The following GNAZ variants were observed in gnomAD, a reference collection of about 807,000 sequenced individuals.
GNAZ encodes G protein subunit alpha z.
A neutral mutation model predicts 25.4 loss-of-function variants in GNAZ; 3 were observed. That is an observed-to-expected ratio of 0.12 (90% CI 0.05 to 0.30). The LOEUF (loss-of-function observed/expected upper bound fraction) is 0.30. GNAZ is among the 10% of genes least tolerant of loss of function. The pLI, the probability that GNAZ is intolerant of heterozygous loss-of-function variation, is 1.00. For missense variants in GNAZ, 241 were observed against 501.8 expected (o/e 0.48, Z 4.97); for synonymous variants, 211 against 205.7 (o/e 1.03, Z -0.22).
At chr22:23,095,020 A>T (rs2069083027) in intron 1 of GNAZ, among the ~76,000 whole-genome samples, 1 of 152,218 alleles carries the variant, frequency 6.6e-6, no homozygotes, top group African/African-American at 2.4e-5. Context: ...CCTCTCCCTC[A>T]TGCACCTGGC....
intron 2 of GNAZ, among the ~76,000 whole-genome samples, chr22:23,100,877 C>T (rs1391346597): frequency 6.6e-6 from 1 of 152,190 alleles, no homozygotes; most frequent in Non-Finnish European, 1.5e-5. Flanking sequence ...GGAGGGGCTG[C>T]CCAAGGCCGT....
chr22:23,120,830 A>T (rs766972756), intron 2 of GNAZ, among the ~76,000 whole-genome samples: 2 of 152,202 alleles, frequency 1.3e-5, no homozygotes, highest in Non-Finnish European at 2.9e-5. Flanking sequence ...ATGAGAGCTG[A>T]TGTGGACTCA....
chr22:23,110,324 A>G (rs2069609414), intron 2 of GNAZ, among the ~76,000 whole-genome samples: 2 of 152,188 alleles, frequency 1.3e-5, no homozygotes, highest in Admixed American at 1.3e-4. Flanking sequence ...ACTGGAGGGC[A>G]TCACGGCAGC....
chr22:23,115,075 G>A (rs1045326881), intron 2 of GNAZ, among the ~76,000 whole-genome samples: 14 of 152,170 alleles, frequency 9.2e-5, no homozygotes, highest in African/African-American at 3.4e-4. Context: ...TGGGCCAGCT[G>A]GCCTTGCTCT....
intron 1 of GNAZ, among the ~76,000 whole-genome samples, chr22:23,085,999 G>T (rs2068808691): frequency 6.6e-6 from 1 of 152,240 alleles, no homozygotes; most frequent in Non-Finnish European, 1.5e-5. Flanking sequence ...GCCTTGCCTG[G>T]CCCCTCGGCA....
In GNAZ at chr22:23,123,348, G is replaced by A. The variant is rs569868909; in HGVS notation, c.985G>A (p.Asp329Asn). ...EIYSHFTCAT[D>N]TSNIQFVFDA... ...CTACTCCCACTTCACCTGCGCCACCGACACCAGTAACATCCAGTTTGTCTT... is the reference window on the plus strand; with the variant it reads ...CTACTCCCACTTCACCTGCGCCACCAACACCAGTAACATCCAGTTTGTCTT... Residue 329 changes from aspartate (D) to asparagine (N), a missense_variant, in exon 3 of 3, where the codon GAC (aspartate) becomes AAC (asparagine). Asp to Asn is a conservative substitution (Grantham distance 23, BLOSUM62 1). Coordinates refer to ENST00000615612, the MANE Select transcript of GNAZ (RefSeq NM_002073.4). The A allele has an allele frequency of 1.1e-5, 18 of 1,613,950 alleles. No homozygotes were observed. Among genetic ancestry groups the A allele is most frequent in the East Asian group, 2.2e-5 (1 of 44,878 alleles).
At chr22:23,112,730 A>G (rs1435961066) in intron 2 of GNAZ, among the ~76,000 whole-genome samples, 1 of 152,158 alleles carries the variant, frequency 6.6e-6, no homozygotes, top group Non-Finnish European at 1.5e-5. Context: ...ACTGGCTGCA[A>G]TGGGGAGCCT....
rs2068331691 is a variant in GNAZ at position 23,070,528 on chromosome 22, T to G, written c.-492T>G. The G allele has an allele frequency of 2.7e-5, 4 of 148,558 alleles. No homozygotes were observed. Among genetic ancestry groups the G allele is most frequent in the Non-Finnish European group, 4.5e-5 (3 of 67,006 alleles). The allele number at this position is 148,558 out of a possible 1,614,324, so 9.2% of individuals were successfully genotyped here. ...CTCGCCGCCCCGCCCCGCCCCGCCCTGCCCGGAGCAGCTCGGCAGATGCTC... is the reference window on the plus strand; with the variant it reads ...CTCGCCGCCCCGCCCCGCCCCGCCCGGCCCGGAGCAGCTCGGCAGATGCTC... On this transcript the variant is annotated 5_prime_UTR_variant, in exon 1 of 3. Transcript: ENST00000615612.
At position 23,071,152 on chromosome 22, in the gene GNAZ, C is replaced by G. The variant is rs554205605; in HGVS notation, c.-450+582C>G. ...GGCATTTAGAGGAAGAGATGAGTAT[C>G]GACCTGCTGCGATTGTAATACGTTC... is the stretch of plus-strand genomic sequence containing the variant. On this transcript the variant is annotated intron_variant, in intron 1 of 2. Transcript: ENST00000615612. This position sits in a 1 kb window ranked among gnomAD's most constrained non-coding sequence, Gnocchi z 4.1. Among the ~76,000 whole-genome samples, 4 of 152,244 alleles carry G rather than the reference C, an allele frequency of 2.6e-5. No individual in the cohort carries two copies. Among genetic ancestry groups the G allele is most frequent in the African/African-American group, 7.2e-5 (3 of 41,554 alleles).
rs118169937 is a variant in GNAZ, at chr22:23,102,120, C to T, written c.723+5702C>T. ...CCATCCCTTCAGCACCGGCTCCCCGCATCCAAGTTCCCTTGCCTCATTGCC... is the reference window on the plus strand; with the variant it reads ...CCATCCCTTCAGCACCGGCTCCCCGTATCCAAGTTCCCTTGCCTCATTGCC... On this transcript the variant is annotated intron_variant, in intron 2 of 2. Coordinates refer to ENST00000615612, the MANE Select transcript of GNAZ (RefSeq NM_002073.4). Among the ~76,000 whole-genome samples, 47 of 152,374 alleles carry T rather than the reference C, an allele frequency of 3.1e-4. 1 individual carries two copies. In the East Asian group the frequency reaches 7.3e-3, roughly 24 times the overall value.
At chr22:23,075,620 A>C (rs2068488677) in intron 1 of GNAZ, among the ~76,000 whole-genome samples, 1 of 152,212 alleles carries the variant, frequency 6.6e-6, no homozygotes, top group Non-Finnish European at 1.5e-5. Flanking sequence ...AAAAGTGCTA[A>C]GAAGCGAGAC....
At chr22:23,094,698 G>A (rs929379901) in intron 1 of GNAZ, among the ~76,000 whole-genome samples, 1 of 152,230 alleles carries the variant, frequency 6.6e-6, no homozygotes, top group Admixed American at 6.5e-5. Flanking sequence ...TGGCTCCTGG[G>A]CTGGCCCATC....
intron 2 of GNAZ, among the ~76,000 whole-genome samples, chr22:23,113,469 A>G (rs1013507076): frequency 1.3e-5 from 2 of 152,334 alleles, no homozygotes; most frequent in South Asian, 4.1e-4. Context: ...GCTTGCACCT[A>G]CAAGCTTCCC....
At position 23,071,928 on chromosome 22, in the gene GNAZ, G is replaced by A. The variant is rs1002276924; in HGVS notation, c.-450+1358G>A. ...AGGAGGAGGTATGGCGGGAAAGGCCGGTGGGGGCTGCACGGGGCTGAGGGA... is the reference window on the plus strand; with the variant it reads ...AGGAGGAGGTATGGCGGGAAAGGCCAGTGGGGGCTGCACGGGGCTGAGGGA... On this transcript the variant is annotated intron_variant, in intron 1 of 2. Coordinates refer to ENST00000615612, the MANE Select transcript of GNAZ (RefSeq NM_002073.4). This position sits in a 1 kb window ranked among gnomAD's most constrained non-coding sequence, Gnocchi z 4.1. Among the ~76,000 whole-genome samples the A allele has an allele frequency of 6.6e-6, 1 of 152,186 alleles. No homozygotes were observed. Among genetic ancestry groups the A allele is most frequent in the Admixed American group, 6.5e-5 (1 of 15,278 alleles).
chr22:23,117,127 C>T (rs1273015082), intron 2 of GNAZ, among the ~76,000 whole-genome samples: 2 of 152,180 alleles, frequency 1.3e-5, no homozygotes, highest in Non-Finnish European at 1.5e-5. Flanking sequence ...TGACCCAGCA[C>T]TGAGGGCCAG....
chr22:23,075,733 C>G lies in GNAZ; in HGVS notation c.-450+5163C>G, dbSNP rs558869701. On this transcript the variant is annotated intron_variant, in intron 1 of 2. Coordinates refer to ENST00000615612, the MANE Select transcript of GNAZ (RefSeq NM_002073.4). The stretch of plus-strand genomic sequence containing the variant: ...CAGAAACACACCCCGTCCCCGAGGG[C>G]TCAGCCAGGCCTCTCATGGCCATGG... Among the ~76,000 whole-genome samples, 24 of 152,298 alleles carry G rather than the reference C, an allele frequency of 1.6e-4. No homozygotes were observed. The South Asian group carries it at 5.0e-3, about 32-fold the overall frequency.
At position 23,123,432 on chromosome 22, in the gene GNAZ, G is replaced by A. The variant is rs1222762946; in HGVS notation, c.*1G>A. The A allele has an allele frequency of 6.2e-7, 1 of 1,602,036 alleles. No individual in the cohort carries two copies. Among genetic ancestry groups the A allele is most frequent in the East Asian group, 2.2e-5 (1 of 44,532 alleles). ...TCTCAAGTACATTGGCCTTTGCTGAGGAGCTGGGCCCGGGGCCCGCCTGCC... is the reference window on the plus strand; with the variant it reads ...TCTCAAGTACATTGGCCTTTGCTGAAGAGCTGGGCCCGGGGCCCGCCTGCC... On this transcript the variant is annotated 3_prime_UTR_variant, in exon 3 of 3. Transcript: ENST00000615612.
intron 2 of GNAZ, among the ~76,000 whole-genome samples, 166 bp downstream of exon 2, chr22:23,096,584 G>A (rs911081004): frequency 6.6e-6 from 1 of 152,190 alleles, no homozygotes; most frequent in Non-Finnish European, 1.5e-5. Context: ...TGGGGGCAGA[G>A]GGAACAGGGT....
intron 2 of GNAZ, among the ~76,000 whole-genome samples, chr22:23,097,573 C>T (rs563585389): frequency 6.6e-6 from 1 of 152,380 alleles, no homozygotes; most frequent in East Asian, 1.9e-4. Context: ...GAATGACGGA[C>T]GGGCAGGCAG....
Sources: gnomAD v4.1 joint callset for allele counts (sites outside exome capture counted in the v4.1 genomes callset) on GRCh38, gnomAD v4.1.1 for gene constraint, Gnocchi (gnomAD v3.1) non-coding constraint, MANE v1.5 for transcripts, NCBI Gene and HGNC (gene_info 2026-07-23, HGNC 2026-07-21) for gene names.